GFM2: variants seen among roughly 807,000 people sequenced by gnomAD.
The protein encoded by GFM2 is ribosome-releasing factor 2, mitochondrial.
In GFM2, 72 loss-of-function variants were observed where a neutral mutation model predicts 95.4. That is an observed-to-expected ratio of 0.76 (90% CI 0.62 to 0.92). The LOEUF (loss-of-function observed/expected upper bound fraction) is 0.92. Among genes scored for constraint, GFM2 ranks in the 40% least tolerant of loss-of-function variants. The pLI is 0.00. For missense variants in GFM2, 825 were observed against 924.1 expected, an observed-to-expected ratio of 0.89 and a Z score of 1.39; for synonymous variants, 276 against 317.5, an observed-to-expected ratio of 0.87 and a Z score of 1.39.
intron 6 of GFM2, among the ~76,000 whole-genome samples, chr5:74,751,137 T>C: frequency 6.6e-6 from 1 of 152,192 alleles, no homozygotes; most frequent in East Asian, 1.9e-4. Context: ...AAGGGAATTG[T>C]TGTCCAATGA....
chr5:74,764,233 G>C (rs1243755747), intron 1 of GFM2, among the ~76,000 whole-genome samples: 2 of 152,090 alleles, frequency 1.3e-5, no homozygotes, highest in African/African-American at 4.8e-5. Flanking sequence ...ATATATAAAA[G>C]CAAGTCCTCT....
At chr5:74,735,014 C>A (rs1742763228) in intron 15 of GFM2, among the ~76,000 whole-genome samples, 1 of 152,114 alleles carries the variant, frequency 6.6e-6, no homozygotes, top group South Asian at 2.1e-4. Flanking sequence ...TATAAAATGA[C>A]TCTCAAATAT....
chr5:74,760,709 T>C (rs573926076), intron 3 of GFM2, among the ~76,000 whole-genome samples, 193 bp downstream of exon 3: 11 of 152,170 alleles, frequency 7.2e-5, no homozygotes, highest in Non-Finnish European at 1.6e-4. Context: ...GTTCCTCAGA[T>C]AAGGAGCACA....
intron 5 of GFM2, among the ~76,000 whole-genome samples, chr5:74,758,442 T>G (rs1003445667): frequency 6.6e-6 from 1 of 152,198 alleles, no homozygotes; most frequent in East Asian, 1.9e-4. Context: ...GGCATGAATC[T>G]TCTAAGCTAG....
rs1371545286 is a variant in GFM2, at chr5:74,747,735, G to C, written c.565C>G (p.Pro189Ala). The change falls in exon 8 of 21, where the codon CCT becomes GCT. Residue 189 changes from proline (P) to alanine (A), a missense_variant. By Grantham distance (27) the Pro-to-Ala change is conservative. Transcript: ENST00000296805. ...VWRQADKHNIPRICFLNKMDK... is the reference protein window; with the variant it reads ...VWRQADKHNIARICFLNKMDK... ...ATCTTGTTTAAAAAACAGATTCGAG[G>C]TATATTGTGTTTATCAGCTTGCCTC... 1 of 1,612,224 alleles carries C rather than the reference G, an allele frequency of 6.2e-7. No individual in the cohort carries two copies. The highest frequency in any genetic ancestry group is 1.7e-5 in the Admixed American group (1 of 59,914).
chr5:74,732,346 A>G (rs1361363460), intron 16 of GFM2, among the ~76,000 whole-genome samples: 3 of 152,148 alleles, frequency 2.0e-5, no homozygotes, highest in South Asian at 2.1e-4. Context: ...TTTGGCTGGC[A>G]TTTTGGGAAA....
At chr5:74,761,074 G>A (rs1744259033) in intron 2 of GFM2, 88 bp from the exon 3 acceptor site, 2 of 761,546 alleles carry the variant, frequency 2.6e-6, no homozygotes, top group Non-Finnish European at 4.5e-6. Flanking sequence ...TTTGTCAGAA[G>A]ATAAAATATT....
rs2112229848 is a variant in GFM2 at position 74,730,319 on chromosome 5, T to C, written c.1667A>G (p.Tyr556Cys). 7 of 1,613,210 alleles carry C rather than the reference T, an allele frequency of 4.3e-6. No individual in the cohort carries two copies. The highest frequency in any genetic ancestry group is 5.1e-6 in the Non-Finnish European group (6 of 1,179,228). ...ATATGCCACCTGGAGAGGCCCGAGA[T>C]AGGTCTCCAGTCCATATTCCCTCTT... Reference protein sequence around the residue: ...RIKREYGLETYLGPLQVAYRE... With the variant: ...RIKREYGLETCLGPLQVAYRE... Residue 556 changes from tyrosine (Y) to cysteine (C), a missense_variant, in exon 17 of 21, where the codon TAT (tyrosine) becomes TGT (cysteine). Transcript: ENST00000296805.
chr5:74,759,496 CTT>C (rs1744175343), intron 3 of GFM2, 70 bp from the exon 4 acceptor site: 1 of 809,864 alleles, frequency 1.2e-6, no homozygotes, highest in South Asian at 1.7e-5. Context: ...AAATGAAAGA[CTT>C]TAAAATAACT....
Position 74,725,625 on chromosome 5 carries a change from A to T in GFM2, c.2028+15T>A. On this transcript the variant is annotated intron_variant, in intron 19 of 20. Transcript: ENST00000296805. ...GAGTCACCTTAAAGCCATAAGGATT[A>T]GGATAGTTCTATACCTTTTGCACGC... is the stretch of plus-strand genomic sequence containing the variant. 2.0e-6 allele frequency: 3 copies of T among 1,537,570 alleles called. No homozygotes were observed. The highest frequency in any genetic ancestry group is 2.7e-6 in the Non-Finnish European group (3 of 1,110,576).
Position 74,722,512 on chromosome 5 carries a change from T to C in GFM2, c.2078A>G (p.Glu693Gly). The change falls in exon 20 of 21, where the codon GAG becomes GGG. Residue 693 changes from glutamate (E) to glycine (G), a missense_variant. Coordinates refer to ENST00000296805, the MANE Select transcript of GFM2 (RefSeq NM_032380.5). ...GAGATAATCTCTAGCTACTGTAACC[T>C]CAAGATTCATCAGAGGCTCCAAAAC... The part of the protein sequence containing the change: ...KQVLEPLMNL[E>G]VTVARDYLSP... The C allele has an allele frequency of 6.2e-7, 1 of 1,613,946 alleles. No individual in the cohort carries two copies. The highest frequency in any genetic ancestry group is 2.2e-5 in the East Asian group (1 of 44,864).
intron 15 of GFM2, 115 bp from the exon 16 acceptor site, chr5:74,733,213 A>G (rs1742663889): frequency 1.6e-5 from 11 of 702,450 alleles, no homozygotes; most frequent in Non-Finnish European, 2.7e-5. Context: ...AATTTCGACC[A>G]GGTGTGGTGA....
At chr5:74,734,808 A>T (rs1243894309) in intron 15 of GFM2, among the ~76,000 whole-genome samples, 2 of 151,802 alleles carry the variant, frequency 1.3e-5, no homozygotes, top group African/African-American at 4.8e-5. Context: ...AAAGAAGTCT[A>T]AGTAAGGGAG....
intron 15 of GFM2, among the ~76,000 whole-genome samples, chr5:74,735,218 G>A (rs1310991805): frequency 1.3e-5 from 2 of 152,152 alleles, no homozygotes; most frequent in African/African-American, 4.8e-5. Flanking sequence ...AAAAATTGCT[G>A]TTAGGCCCAT....
At chr5:74,744,238 G>A (rs1420737342) in intron 10 of GFM2, among the ~76,000 whole-genome samples, 1 of 152,086 alleles carries the variant, frequency 6.6e-6, no homozygotes, top group East Asian at 1.9e-4. Flanking sequence ...ACAATGGTAA[G>A]TATTTGTGTA....
At chr5:74,729,254 C>G (rs977267028) in intron 17 of GFM2, among the ~76,000 whole-genome samples, 1 of 152,206 alleles carries the variant, frequency 6.6e-6, no homozygotes, top group African/African-American at 2.4e-5. Flanking sequence ...TCTCAGAAAT[C>G]TTGTTCCCTT....
At chr5:74,742,879 C>T (rs1382568328) in intron 10 of GFM2, among the ~76,000 whole-genome samples, 1 of 151,904 alleles carries the variant, frequency 6.6e-6, no homozygotes, top group Admixed American at 6.6e-5. Context: ...ATGTTGGTCA[C>T]GCTGGTCTCA....
intron 15 of GFM2, among the ~76,000 whole-genome samples, chr5:74,733,850 C>G (rs879371930): frequency 2.6e-5 from 4 of 152,094 alleles, no homozygotes; most frequent in Admixed American, 2.6e-4. Flanking sequence ...TAAACAGGTA[C>G]TAGTATAACT....
rs34845453 is a variant in GFM2 at position 74,725,973 on chromosome 5, A to G, written c.1880T>C (p.Ile627Thr). Residue 627 changes from isoleucine (I) to threonine (T), a missense_variant, in exon 18 of 21, where the codon ATT (isoleucine) becomes ACT (threonine). Physicochemically the swap from Ile to Thr is moderately conservative, Grantham distance 89. Coordinates refer to ENST00000296805, the MANE Select transcript of GFM2 (RefSeq NM_032380.5). ...ACATGCGCTGTGAATTCCATTTTCA[A>G]TGGCCTCTTGGGAGACCTTCAAAAG... is the stretch of plus-strand genomic sequence containing the variant. ...EGLLKVSQEA[I>T]ENGIHSACLQ... The G allele has an allele frequency of 5.3e-4, 851 of 1,611,680 alleles. 4 individuals are homozygous for G. The African/African-American group carries it at 8.5e-3, about 16-fold the overall frequency.
Sources: gnomAD v4.1 joint callset for allele counts (sites outside exome capture counted in the v4.1 genomes callset) on GRCh38, gnomAD v4.1.1 for gene constraint, MANE v1.5 for transcripts, NCBI Gene and HGNC (gene_info 2026-07-23, HGNC 2026-07-21) for gene names.